The following IL1RAPL1 variants were observed in gnomAD, a reference collection of about 807,000 sequenced individuals.
The protein encoded by IL1RAPL1 is interleukin-1 receptor accessory protein-like 1.
In IL1RAPL1, 3 loss-of-function variants were observed where a neutral mutation model predicts 48.4. That is an observed-to-expected ratio of 0.06 (90% CI 0.03 to 0.16). The LOEUF (loss-of-function observed/expected upper bound fraction) is 0.16. Ranked by LOEUF, IL1RAPL1 falls within the 10% of genes least tolerant of loss-of-function variation. The pLI is 1.00. For missense variants in IL1RAPL1, 349 were observed against 530.6 expected (o/e 0.66, Z 3.36); for synonymous variants, 185 against 187.7 (o/e 0.99, Z 0.12).
intron 3 of IL1RAPL1, among the ~76,000 whole-genome samples, chrX:29,387,139 A>G (rs937182411): frequency 8.9e-6 from 1 of 111,896 alleles, no homozygotes; most frequent in African/African-American, 3.2e-5. Flanking sequence ...GTCAAGTAAA[A>G]TCTCATGTCC....
intron 2 of IL1RAPL1, among the ~76,000 whole-genome samples, chrX:28,814,419 T>C (rs2147277728): frequency 9.3e-6 from 1 of 107,052 alleles, no homozygotes; most frequent in African/African-American, 3.4e-5. Flanking sequence ...AAAAACTGAT[T>C]TCACAAGTTT....
At chrX:29,635,133 T>A (rs1254367672) in intron 5 of IL1RAPL1, among the ~76,000 whole-genome samples, 2 of 110,086 alleles carry the variant, frequency 1.8e-5, no homozygotes, top group Non-Finnish European at 3.8e-5. Flanking sequence ...CTGAAAAAAA[T>A]GAGAGAAATA....
intron 6 of IL1RAPL1, among the ~76,000 whole-genome samples, chrX:29,904,566 C>T (rs759363700): frequency 9.1e-6 from 1 of 110,212 alleles, no homozygotes; most frequent in South Asian, 4.0e-4. Flanking sequence ...TGTTCCCCTC[C>T]CTATTCCATG....
At chrX:29,680,238 T>C (rs1204305726) in intron 6 of IL1RAPL1, among the ~76,000 whole-genome samples, 1 of 111,526 alleles carries the variant, frequency 9.0e-6, no homozygotes, top group Non-Finnish European at 1.9e-5. Flanking sequence ...TCTTCTCTAC[T>C]CTTTCTGCAT....
intron 3 of IL1RAPL1, among the ~76,000 whole-genome samples, chrX:29,374,286 CTTTTTTT>C (rs747182215): frequency 2.1e-4 from 1 of 4,758 alleles, no homozygotes; most frequent in East Asian, 7.6e-3. Flanking sequence ...TGGTTGGTTG[CTTTTTTT>C]TTTTTTTTTT....
intron 5 of IL1RAPL1, among the ~76,000 whole-genome samples, chrX:29,585,395 C>T (rs1288822347): frequency 1.8e-5 from 2 of 111,969 alleles, no homozygotes; most frequent in Non-Finnish European, 3.8e-5. Context: ...AGGTGTATTC[C>T]ATTGTATATA....
rs762829729 is a variant in IL1RAPL1 at position 28,741,142 on chromosome X, T to C, written c.-24-48178T>C. On this transcript the variant is annotated intron_variant, in intron 1 of 10. Transcript: ENST00000378993. ...CTGCTTTCCACAGTGGCTGAACTTA[T>C]TTACATTCCTATCAGTAGTGTTTAA... is the stretch of plus-strand genomic sequence containing the variant. Among the ~76,000 whole-genome samples the C allele has an allele frequency of 3.6e-5, 4 of 112,189 alleles. No homozygotes were observed. In the East Asian group the frequency reaches 1.1e-3, roughly 32 times the overall value.
chrX:28,669,628 T>TTATA (rs139322755), intron 1 of IL1RAPL1, among the ~76,000 whole-genome samples: 4 of 101,582 alleles, frequency 3.9e-5, no homozygotes, highest in African/African-American at 1.4e-4. Flanking sequence ...TCAAAAAATA[T>TTATA]TATATATATA....
At chrX:29,224,018 G>A (rs1438064344) in intron 2 of IL1RAPL1, among the ~76,000 whole-genome samples, 1 of 111,312 alleles carries the variant, frequency 9.0e-6, no homozygotes, top group Non-Finnish European at 1.9e-5. Flanking sequence ...GGACTATATT[G>A]TAATACCTTG....
At chrX:28,942,593 A>G (rs1271446750) in intron 2 of IL1RAPL1, 1 of 106,686 alleles carries the variant, frequency 9.4e-6, no homozygotes, top group Non-Finnish European at 1.9e-5. Flanking sequence ...AAAGTTGACC[A>G]TAATATAAAG....
At chrX:29,356,697 A>G (rs1461656180) in intron 3 of IL1RAPL1, among the ~76,000 whole-genome samples, 1 of 111,075 alleles carries the variant, frequency 9.0e-6, no homozygotes, top group Non-Finnish European at 1.9e-5. Context: ...CTCTACATCT[A>G]TACGACCGCA....
chrX:29,674,206 C>T (rs1309192162), intron 6 of IL1RAPL1, among the ~76,000 whole-genome samples: 1 of 111,805 alleles, frequency 8.9e-6, no homozygotes, highest in Non-Finnish European at 1.9e-5. Flanking sequence ...GCAGGCAAAT[C>T]CCTTGAGCTC....
chrX:29,529,431 T>G (rs867160381), intron 5 of IL1RAPL1, among the ~76,000 whole-genome samples: 1 of 109,152 alleles, frequency 9.2e-6, no homozygotes, highest in Non-Finnish European at 1.9e-5. Flanking sequence ...CTGTTGCTAC[T>G]AAAAATACAA....
chrX:28,784,594 T>C lies in IL1RAPL1; in HGVS notation c.-24-4726T>C, dbSNP rs1196339364. Among the ~76,000 whole-genome samples the C allele has an allele frequency of 8.1e-5, 9 of 111,603 alleles. No individual in the cohort carries two copies. In the South Asian group the frequency reaches 1.5e-3, roughly 19 times the overall value. ...CTGAAATAAATATGGCAGATACTTA[T>C]GTCCATGCTTTGTAGGTGAGAAAAC... On this transcript the variant is annotated intron_variant, in intron 1 of 10. Coordinates refer to ENST00000378993, the MANE Select transcript of IL1RAPL1 (RefSeq NM_014271.4).
At chrX:29,676,727 G>A (rs188302689) in intron 6 of IL1RAPL1, among the ~76,000 whole-genome samples, 3 of 110,852 alleles carry the variant, frequency 2.7e-5, no homozygotes, top group East Asian at 5.6e-4. Context: ...GGAAATTCAG[G>A]TATAATATTT....
At chrX:29,182,167 A>G (rs2072963985) in intron 2 of IL1RAPL1, among the ~76,000 whole-genome samples, 1 of 109,900 alleles carries the variant, frequency 9.1e-6, no homozygotes, top group South Asian at 3.9e-4. Context: ...GGTTGACTTG[A>G]TCACTGATAG....
At chrX:29,334,649 C>G (rs1276788898) in intron 3 of IL1RAPL1, among the ~76,000 whole-genome samples, 3 of 111,293 alleles carry the variant, frequency 2.7e-5, no homozygotes, top group Non-Finnish European at 3.8e-5. Flanking sequence ...GGTTGCGGCC[C>G]AGCAGAGGCG....
intron 5 of IL1RAPL1, among the ~76,000 whole-genome samples, chrX:29,657,829 T>G (rs182324963): frequency 0.12 from 13,073 of 105,700 alleles, 768 homozygotes; most frequent in African/African-American, 0.23. Context: ...TGACTGTTTT[T>G]TTTTTTTTTT....
chrX:29,054,238 A>G (rs770041028), intron 2 of IL1RAPL1, among the ~76,000 whole-genome samples: 21 of 110,965 alleles, frequency 1.9e-4, no homozygotes, highest in Non-Finnish European at 3.8e-4. Flanking sequence ...CTGTGTTTCA[A>G]TATACTATTG....
Sources: gnomAD v4.1 joint callset for allele counts (sites outside exome capture counted in the v4.1 genomes callset) on GRCh38, gnomAD v4.1.1 for gene constraint, MANE v1.5 for transcripts, NCBI Gene and HGNC (gene_info 2026-07-23, HGNC 2026-07-21) for gene names.